PARM1: variants seen among roughly 807,000 people sequenced by gnomAD.
PARM1 encodes the protein WSC4, cell wall integrity and stress response component 4 homolog.
Under a neutral mutation model 24.6 loss-of-function variants are expected in PARM1, and 14 were observed. That is an observed-to-expected ratio of 0.57 (90% CI 0.38 to 0.89). The LOEUF (loss-of-function observed/expected upper bound fraction) is 0.89, where lower values mean the gene tolerates loss of function less well. Among genes scored for constraint, PARM1 ranks in the 40% least tolerant of loss-of-function variants. The probability of loss-of-function intolerance (pLI) is 0.00; values close to 1 mark genes in which losing one functional copy is unlikely to be tolerated. For synonymous variants in PARM1, 179 were observed against 156.6 expected (o/e 1.14, Z -1.07); for missense variants, 362 against 380.4 (o/e 0.95, Z 0.40).
intron 2 of PARM1, among the ~76,000 whole-genome samples, chr4:75,021,271 G>C (rs1252364106): frequency 2.0e-5 from 3 of 152,216 alleles, no homozygotes; most frequent in Non-Finnish European, 4.4e-5. Context: ...CCCCTCGGAT[G>C]CCTTTAAGCA....
chr4:74,945,438 T>C (rs562378013), intron 1 of PARM1, among the ~76,000 whole-genome samples: 1 of 152,358 alleles, frequency 6.6e-6, no homozygotes, highest in East Asian at 1.9e-4. Flanking sequence ...TTCATTCTGC[T>C]ACAGCCCTCG....
At chr4:74,997,561 T>A (rs1042328768) in intron 1 of PARM1, 1 of 152,148 alleles carries the variant, frequency 6.6e-6, no homozygotes, top group African/African-American at 2.4e-5. Context: ...TGTAGGATAA[T>A]GACAGAAATA....
intron 1 of PARM1, among the ~76,000 whole-genome samples, chr4:74,941,301 G>A (rs976580951): frequency 3.3e-5 from 5 of 152,208 alleles, no homozygotes; most frequent in African/African-American, 7.2e-5. Flanking sequence ...GCTAGGAAAT[G>A]TTGCTGGGGG....
At chr4:75,032,093 A>G (rs1021416313) in intron 2 of PARM1, among the ~76,000 whole-genome samples, 2 of 152,310 alleles carry the variant, frequency 1.3e-5, no homozygotes, top group East Asian at 3.9e-4. Context: ...TACAATAGTA[A>G]AAAGGGAAAG....
intron 1 of PARM1, among the ~76,000 whole-genome samples, chr4:74,976,251 G>A (rs1478580130): frequency 1.3e-5 from 2 of 152,184 alleles, no homozygotes; most frequent in African/African-American, 4.8e-5. Context: ...GCTCCAGTCT[G>A]TCATTCTCCC....
chr4:75,022,795 G>A (rs1007556343), intron 2 of PARM1, among the ~76,000 whole-genome samples: 1 of 151,970 alleles, frequency 6.6e-6, no homozygotes, highest in African/African-American at 2.4e-5. Context: ...AAAATAATTT[G>A]GCAGGGAAAT....
intron 2 of PARM1, among the ~76,000 whole-genome samples, chr4:75,030,999 A>G (rs1372103099): frequency 6.6e-6 from 1 of 152,196 alleles, no homozygotes; most frequent in East Asian, 1.9e-4. Flanking sequence ...GTCACCCTAT[A>G]AAGTTGCGCT....
intron 1 of PARM1, among the ~76,000 whole-genome samples, chr4:75,001,292 T>C (rs1037127075): frequency 6.6e-6 from 1 of 152,218 alleles, no homozygotes; most frequent in African/African-American, 2.4e-5. Context: ...CAATTTATAA[T>C]GATAAATGAT....
chr4:74,942,577 G>A (rs1260577468), intron 1 of PARM1, among the ~76,000 whole-genome samples: 4 of 152,210 alleles, frequency 2.6e-5, no homozygotes, highest in African/African-American at 4.8e-5. Flanking sequence ...CAAATCATGA[G>A]TCATTCTTGA....
intron 1 of PARM1, among the ~76,000 whole-genome samples, chr4:74,938,698 T>C (rs115095061): frequency 6.6e-6 from 1 of 152,216 alleles, no homozygotes; most frequent in East Asian, 1.9e-4. Flanking sequence ...ATTTAAATGA[T>C]AGGGTTGATG....
At chr4:75,011,360 G>T (rs1167451843) in intron 1 of PARM1, among the ~76,000 whole-genome samples, 2 of 152,154 alleles carry the variant, frequency 1.3e-5, no homozygotes, top group Non-Finnish European at 2.9e-5. Context: ...TTTGATGTGG[G>T]ATGTGAGGGA....
chr4:75,043,679 G>A lies in PARM1; in HGVS notation c.849-2484G>A, dbSNP rs573217664. Reference sequence around the variant, plus strand: ...GCAGAGCTCCAGGGCTTTAGTTACCGGATTTTAACTTGTTCATTCTACAGC... The same window carrying A: ...GCAGAGCTCCAGGGCTTTAGTTACCAGATTTTAACTTGTTCATTCTACAGC... On this transcript the variant is annotated intron_variant, in intron 3 of 3. Coordinates refer to ENST00000307428, the MANE Select transcript of PARM1 (RefSeq NM_015393.4). Among the ~76,000 whole-genome samples the A allele has an allele frequency of 2.0e-4, 31 of 152,242 alleles. 1 individual carries two copies. Among genetic ancestry groups the A allele is most frequent in the African/African-American group, 6.5e-4 (27 of 41,550 alleles).
intron 1 of PARM1, among the ~76,000 whole-genome samples, chr4:74,944,239 C>T (rs1721366072): frequency 6.6e-6 from 1 of 152,200 alleles, no homozygotes; most frequent in Non-Finnish European, 1.5e-5. Flanking sequence ...AAATAACATG[C>T]TTGCCTTGCA....
intron 1 of PARM1, among the ~76,000 whole-genome samples, chr4:74,987,937 A>G (rs1475595107): frequency 6.6e-6 from 1 of 152,216 alleles, no homozygotes; most frequent in African/African-American, 2.4e-5. Context: ...AAATTAATTT[A>G]TGTTCAATTT....
Position 75,005,400 on chromosome 4 carries a change from G to C in PARM1, c.44-7025G>C, listed in dbSNP as rs540270875. 2.4e-4 allele frequency among the ~76,000 whole-genome samples: 36 copies of C among 152,310 alleles called. 1 individual carries two copies. The highest frequency in any genetic ancestry group is 9.2e-4 in the Admixed American group (14 of 15,300). ...GGTGAGCAACACAGAAAATCAGGCT[G>C]TCTGCAACTCTGCCACTGGCCCAGG... On this transcript the variant is annotated intron_variant, in intron 1 of 3. Coordinates refer to ENST00000307428, the MANE Select transcript of PARM1 (RefSeq NM_015393.4).
chr4:74,997,995 G>A (rs1344817878), intron 1 of PARM1, among the ~76,000 whole-genome samples: 1 of 152,224 alleles, frequency 6.6e-6, no homozygotes, highest in African/African-American at 2.4e-5. Context: ...AGCTCATGTC[G>A]CCAGATTCTG....
At chr4:74,945,493 G>A (rs1227018091) in intron 1 of PARM1, among the ~76,000 whole-genome samples, 3 of 152,060 alleles carry the variant, frequency 2.0e-5, no homozygotes, top group Admixed American at 1.3e-4. Context: ...AATGTTTACC[G>A]GGCATCACTG....
chr4:74,995,395 T>G (rs1722557649), intron 1 of PARM1, among the ~76,000 whole-genome samples: 1 of 152,132 alleles, frequency 6.6e-6, no homozygotes, highest in Non-Finnish European at 1.5e-5. Context: ...TAATTAACAT[T>G]TATTGAGTAT....
At position 75,005,673 on chromosome 4, in the gene PARM1, A is replaced by G. The variant is rs187736301; in HGVS notation, c.44-6752A>G. Among the ~76,000 whole-genome samples, 6 of 152,344 alleles carry G rather than the reference A, an allele frequency of 3.9e-5. No homozygotes were observed. The East Asian group carries it at 7.7e-4, about 20-fold the overall frequency. ...TCTTTTAAATATCAAATGGATGTAA[A>G]CTATAATAGTGGTCTCCCCATAGAG... On this transcript the variant is annotated intron_variant, in intron 1 of 3. Transcript: ENST00000307428.
Sources: allele counts gnomAD v4.1 joint callset (sites outside exome capture counted in the v4.1 genomes callset), GRCh38; gene constraint gnomAD v4.1.1; transcripts MANE v1.5; gene names NCBI Gene and HGNC (gene_info 2026-07-23, HGNC 2026-07-21).